MPPED2: variants seen among roughly 807,000 people sequenced by gnomAD.
The protein encoded by MPPED2 is metallophosphoesterase domain containing 2, also known as metallophosphoesterase MPPED2.
A neutral mutation model predicts 33.0 loss-of-function variants in MPPED2; 5 were observed. The ratio of observed to expected loss-of-function variants is 0.15; its 90% CI spans 0.08 to 0.32. The LOEUF (loss-of-function observed/expected upper bound fraction) is 0.32. Ranked by LOEUF, MPPED2 falls within the 10% of genes least tolerant of loss-of-function variation. The pLI is 1.00. For synonymous variants in MPPED2, 136 were observed against 141.9 expected (o/e 0.96, Z 0.29); for missense variants, 275 against 372.1 (o/e 0.74, Z 2.15).
intron 4 of MPPED2, among the ~76,000 whole-genome samples, chr11:30,479,589 C>CTA (rs1458678475): frequency 6.6e-6 from 1 of 151,952 alleles, no homozygotes; most frequent in East Asian, 1.9e-4. Flanking sequence ...CACCTGCTTG[C>CTA]TACAAGGTTT....
chr11:30,399,846 C>T (rs1308681263), intron 6 of MPPED2, among the ~76,000 whole-genome samples: 1 of 152,028 alleles, frequency 6.6e-6, no homozygotes, highest in Non-Finnish European at 1.5e-5. Context: ...CATATTTAAA[C>T]TTTTTAACAT....
chr11:30,431,794 T>G (rs1949089224), intron 4 of MPPED2, among the ~76,000 whole-genome samples: 1 of 152,250 alleles, frequency 6.6e-6, no homozygotes, highest in Non-Finnish European at 1.5e-5. Flanking sequence ...AATGTGATAT[T>G]GAAATGACCT....
chr11:30,501,498 AAC>A (rs1952559614), intron 3 of MPPED2: 1 of 272,340 alleles, frequency 3.7e-6, no homozygotes, highest in African/African-American at 2.3e-5. Flanking sequence ...GTATTCCCTT[AAC>A]ACACAACTTT....
At chr11:30,527,157 C>T (rs927078639) in intron 3 of MPPED2, among the ~76,000 whole-genome samples, 1 of 151,978 alleles carries the variant, frequency 6.6e-6, no homozygotes, top group East Asian at 1.9e-4. Context: ...GTCTCGATCT[C>T]CTGACCTCGT....
intron 4 of MPPED2, among the ~76,000 whole-genome samples, chr11:30,433,081 A>G (rs1195690338): frequency 6.6e-6 from 1 of 152,200 alleles, no homozygotes; most frequent in East Asian, 1.9e-4. Context: ...TGAGTTGGAG[A>G]GAGGTGAACC....
chr11:30,478,824 TGTC>T (rs1281058665), intron 4 of MPPED2, among the ~76,000 whole-genome samples: 5 of 152,026 alleles, frequency 3.3e-5, no homozygotes, highest in African/African-American at 1.2e-4. Context: ...TAAATAACGT[TGTC>T]GTTTTGAACG....
chr11:30,543,942 C>T (rs867532960), intron 2 of MPPED2, among the ~76,000 whole-genome samples: 40 of 151,988 alleles, frequency 2.6e-4, no homozygotes, highest in African/African-American at 8.7e-4. Context: ...ACAGGCACTG[C>T]TTTTCTTTAA....
chr11:30,441,246 G>C (rs1949558997), intron 4 of MPPED2: 1 of 152,132 alleles, frequency 6.6e-6, no homozygotes, highest in African/African-American at 2.4e-5. Context: ...TTTAATTACA[G>C]CTGAAGCATA....
rs536003129 is a variant in MPPED2 at position 30,427,161 on chromosome 11, T to A, written c.537-9528A>T. On this transcript the variant is annotated intron_variant, in intron 4 of 6. Coordinates refer to ENST00000358117, the MANE Select transcript of MPPED2 (RefSeq NM_001584.3). The stretch of plus-strand genomic sequence containing the variant: ...TTCTAACTTAGATTTCCCAACAAAA[T>A]AAGAAAAAGAGGAAAGGTAGGTTCG... Among the ~76,000 whole-genome samples the A allele has an allele frequency of 3.3e-5, 5 of 152,072 alleles. No homozygotes were observed. The South Asian group carries it at 6.2e-4, about 19-fold the overall frequency.
intron 3 of MPPED2, chr11:30,504,802 G>A (rs1441394806): frequency 2.3e-6 from 3 of 1,288,830 alleles, no homozygotes; most frequent in Non-Finnish European, 3.0e-6. Flanking sequence ...ATGCATTAGG[G>A]TTTCTTCCAT....
chr11:30,518,008 GA>G (rs1237721420), intron 3 of MPPED2, among the ~76,000 whole-genome samples: 1 of 144,764 alleles, frequency 6.9e-6, no homozygotes, highest in Non-Finnish European at 1.5e-5. Flanking sequence ...CACTATTACT[GA>G]ACTATATCCA....
rs1949323336 is a variant in MPPED2, at chr11:30,436,323, C to T, written c.537-18690G>A. 1.1e-4 allele frequency among the ~76,000 whole-genome samples: 3 copies of T among 27,500 alleles called. No homozygotes were observed. The South Asian group carries it at 5.2e-3, about 48-fold the overall frequency. 18.0% of individuals were successfully genotyped at this position (27,500 alleles called of 152,430 possible). A position where few individuals can be genotyped will look rare whatever the true frequency, so the allele number is the denominator to read the frequency against. On this transcript the variant is annotated intron_variant, in intron 4 of 6. Coordinates refer to ENST00000358117, the MANE Select transcript of MPPED2 (RefSeq NM_001584.3). ...AATGCAATGTTTCTCAAACTTTAGA[C>T]ATCAGTCACTTGAAGCCACTCCAAG... is the stretch of plus-strand genomic sequence containing the variant.
intron 2 of MPPED2, among the ~76,000 whole-genome samples, chr11:30,538,185 T>C (rs1954917286): frequency 6.6e-6 from 1 of 152,186 alleles, no homozygotes. Flanking sequence ...TGAATAAATG[T>C]AATATCTACC....
chr11:30,541,002 G>A (rs1389609769), intron 2 of MPPED2, among the ~76,000 whole-genome samples: 1 of 152,184 alleles, frequency 6.6e-6, no homozygotes, highest in Non-Finnish European at 1.5e-5. Context: ...TTCATGGTCT[G>A]TGTGAATTCA....
chr11:30,547,692 A>T (rs1955496638), intron 2 of MPPED2, among the ~76,000 whole-genome samples: 1 of 152,188 alleles, frequency 6.6e-6, no homozygotes, highest in Non-Finnish European at 1.5e-5. Context: ...TCCACTTTTG[A>T]TCCATTTGCA....
intron 6 of MPPED2, among the ~76,000 whole-genome samples, chr11:30,404,850 G>A (rs1947965487): frequency 6.6e-6 from 1 of 152,104 alleles, no homozygotes; most frequent in Non-Finnish European, 1.5e-5. Flanking sequence ...GATTGATTTT[G>A]CCTATTTTTC....
chr11:30,452,600 T>C (rs924943863), intron 4 of MPPED2, among the ~76,000 whole-genome samples: 2 of 152,226 alleles, frequency 1.3e-5, no homozygotes, highest in East Asian at 1.9e-4. Context: ...GGGTAAGGTA[T>C]GTACTGCACA....
At chr11:30,547,328 A>C (rs779464795) in intron 2 of MPPED2, among the ~76,000 whole-genome samples, 2 of 152,358 alleles carry the variant, frequency 1.3e-5, no homozygotes, top group African/African-American at 2.4e-5. Flanking sequence ...CAATAACTAA[A>C]TGTTAGAGCT....
intron 2 of MPPED2, among the ~76,000 whole-genome samples, chr11:30,579,625 A>T (rs999262868): frequency 6.6e-6 from 1 of 152,260 alleles, no homozygotes; most frequent in African/African-American, 2.4e-5. Flanking sequence ...AGTATTAGGG[A>T]GTGAGAGGAA....
Sources: gnomAD v4.1 joint callset for allele counts (sites outside exome capture counted in the v4.1 genomes callset) on GRCh38, gnomAD v4.1.1 for gene constraint, MANE v1.5 for transcripts, NCBI Gene and HGNC (gene_info 2026-07-23, HGNC 2026-07-21) for gene names.